Variants in RTN4 observed in about 807,000 individuals in gnomAD.
RTN4 encodes reticulon 4.
A neutral mutation model predicts 90.4 loss-of-function variants in RTN4; 32 were observed. The ratio of observed to expected loss-of-function variants is 0.35; its 90% confidence interval spans 0.27 to 0.48. The LOEUF is 0.48. RTN4 is among the 20% of genes least tolerant of loss of function. The pLI, the probability that RTN4 is intolerant of heterozygous loss-of-function variation, is 0.99. For missense variants in RTN4, 1,706 were observed against 1,430.2 expected (o/e 1.19, Z -3.11); for synonymous variants, 629 against 552.5 (o/e 1.14, Z -1.94).
chr2:55,082,032 A>G (rs1668730861), intron 1 of RTN4, among the ~76,000 whole-genome samples: 1 of 152,176 alleles, frequency 6.6e-6, no homozygotes, highest in Admixed American at 6.5e-5. Flanking sequence ...TCTTTCAGGT[A>G]GATGGGTACT....
At position 55,106,445 on chromosome 2, in the gene RTN4, A is replaced by G. The variant is rs74807082; in HGVS notation, c.-214+6075T>C. On this transcript the variant is annotated intron_variant, in intron 1 of 3. Coordinates refer to the RTN4 transcript ENST00000427710. ...CCAAAGCCCTCATCCAGGGCCTCACACAGTTGTGAGAGGAAAGGATAAGTG... is the reference window on the plus strand; with the variant it reads ...CCAAAGCCCTCATCCAGGGCCTCACGCAGTTGTGAGAGGAAAGGATAAGTG... 2.2e-3 allele frequency among the ~76,000 whole-genome samples: 334 copies of G among 152,202 alleles called. 3 individuals are homozygous for G. Among genetic ancestry groups the G allele is most frequent in the African/African-American group, 7.7e-3 (318 of 41,488 alleles).
At chr2:54,999,746 A>G (rs1464233870) in intron 3 of RTN4, among the ~76,000 whole-genome samples, 1 of 152,144 alleles carries the variant, frequency 6.6e-6, no homozygotes, top group African/African-American at 2.4e-5. Context: ...TTCTTCCCAA[A>G]TGCCAGGAAA....
In RTN4 at chr2:55,025,166, T is replaced by G. The variant is rs972539939; in HGVS notation, c.2933A>C (p.Glu978Ala). The G allele has an allele frequency of 1.2e-6, 2 of 1,613,798 alleles. No homozygotes were observed. Among genetic ancestry groups the G allele is most frequent in the South Asian group, 1.1e-5 (1 of 91,064 alleles). Residue 978 changes from glutamate (E) to alanine (A), a missense_variant, in exon 3 of 9, where the codon GAG becomes GCG. By Grantham distance (107) the Glu-to-Ala change is moderately radical. Coordinates refer to ENST00000337526, the MANE Select transcript of RTN4 (RefSeq NM_020532.5). ...TTCTGTATCGGAAGGAAGTTTTTTC[T>G]CAGCTTCTTTCACAAGAACTTTGGG... ...VKPKVLVKEA[E>A]KKLPSDTEKE...
At chr2:55,041,864 G>C (rs1307069024) in intron 1 of RTN4, among the ~76,000 whole-genome samples, 1 of 151,784 alleles carries the variant, frequency 6.6e-6, no homozygotes, top group Non-Finnish European at 1.5e-5. Flanking sequence ...AGTCATAAAA[G>C]AAAATGATAA....
intron 3 of RTN4, among the ~76,000 whole-genome samples, chr2:54,990,927 C>T (rs767806468): frequency 6.6e-5 from 10 of 151,928 alleles, no homozygotes; most frequent in African/African-American, 1.2e-4. Flanking sequence ...CTGGGGCAGG[C>T]GCCCGCCACC....
At chr2:55,065,076 T>G (rs1336627430) in intron 2 of RTN4, among the ~76,000 whole-genome samples, 1 of 152,240 alleles carries the variant, frequency 6.6e-6, no homozygotes, top group African/African-American at 2.4e-5. Context: ...AAGTTGAGTA[T>G]GTTACTGGTT....
chr2:54,978,753 TA>T (rs1303856268), intron 5 of RTN4, among the ~76,000 whole-genome samples: 3 of 152,138 alleles, frequency 2.0e-5, no homozygotes, highest in Non-Finnish European at 4.4e-5. Context: ...CTATAAATTT[TA>T]AAAAACTCAT....
At chr2:55,036,641 AG>A (rs1682712255) in intron 1 of RTN4, among the ~76,000 whole-genome samples, 1 of 151,390 alleles carries the variant, frequency 6.6e-6, no homozygotes, top group South Asian at 2.1e-4. Flanking sequence ...AAATTTAAAA[AG>A]TTTTTTTAAA....
At chr2:54,973,532 A>C in intron 8 of RTN4, 31 bp downstream of exon 8, 3 of 1,511,456 alleles carry the variant, frequency 2.0e-6, no homozygotes, top group Non-Finnish European at 1.8e-6. Flanking sequence ...ACCTTATCCT[A>C]GTAAAAACAC....
chr2:55,092,644 G>A (rs557427144), intron 1 of RTN4, among the ~76,000 whole-genome samples: 1 of 152,280 alleles, frequency 6.6e-6, no homozygotes, highest in East Asian at 1.9e-4. Flanking sequence ...TTTCCTGCTT[G>A]CCCTCTGTCA....
chr2:55,036,579 G>C (rs1164200383), intron 1 of RTN4, among the ~76,000 whole-genome samples: 2 of 113,714 alleles, frequency 1.8e-5, no homozygotes, highest in African/African-American at 3.6e-5. Flanking sequence ...TCCAGCCCAG[G>C]CAACAGAGCA....
chr2:55,030,057 G>T (rs780189222), intron 1 of RTN4, among the ~76,000 whole-genome samples: 1 of 152,118 alleles, frequency 6.6e-6, no homozygotes, highest in South Asian at 2.1e-4. Context: ...CAAAATGGTT[G>T]TCTTTTTTAT....
chr2:55,091,793 C>T (rs1271270028), intron 1 of RTN4, among the ~76,000 whole-genome samples: 1 of 152,112 alleles, frequency 6.6e-6, no homozygotes, highest in African/African-American at 2.4e-5. Flanking sequence ...GGGGAGGCCT[C>T]AGAATCATGG....
At chr2:55,056,569 A>G (rs1668194037) in intron 2 of RTN4, 1 of 152,040 alleles carries the variant, frequency 6.6e-6, no homozygotes, top group African/African-American at 2.4e-5. Flanking sequence ...TACAAAAAAT[A>G]CAAAAATTAG....
the RTN4 span, among the ~76,000 whole-genome samples, chr2:55,124,561 G>A: frequency 1.3e-5 from 2 of 152,166 alleles, no homozygotes; most frequent in Non-Finnish European, 2.9e-5. Context: ...AAGGAAATCA[G>A]AGAAGACACA....
chr2:55,030,862 C>A (rs538992829), intron 1 of RTN4, among the ~76,000 whole-genome samples: 1 of 152,108 alleles, frequency 6.6e-6, no homozygotes, highest in African/African-American at 2.4e-5. Context: ...CAAGGTAAAT[C>A]GTCACCCAGT....
intron 3 of RTN4, among the ~76,000 whole-genome samples, chr2:55,003,452 G>T (rs1679985409): frequency 6.6e-6 from 1 of 152,088 alleles, no homozygotes; most frequent in Admixed American, 6.6e-5. Context: ...AAACTTGAAA[G>T]CCATGAAGCA....
chr2:55,010,771 T>C (rs114282286), intron 3 of RTN4, among the ~76,000 whole-genome samples: 180 of 152,330 alleles, frequency 1.2e-3, no homozygotes, highest in Non-Finnish European at 2.1e-3. Flanking sequence ...CTAATGTTTA[T>C]TGAACATATT....
intron 3 of RTN4, among the ~76,000 whole-genome samples, chr2:55,008,861 T>C (rs993300714): frequency 1.6e-4 from 24 of 152,186 alleles, no homozygotes; most frequent in Non-Finnish European, 2.9e-4. Flanking sequence ...CATTTTCACT[T>C]AGCAAAAGCT....
Sources: gnomAD v4.1 joint callset for allele counts (sites outside exome capture counted in the v4.1 genomes callset) on GRCh38, gnomAD v4.1.1 for gene constraint, MANE v1.5 for transcripts, NCBI Gene and HGNC (gene_info 2026-07-23, HGNC 2026-07-21) for gene names.